Variants in PPFIBP2 observed in about 807,000 individuals in gnomAD.
The protein encoded by PPFIBP2 is liprin-beta-2.
PPFIBP2 carries 118 observed loss-of-function variants against 118.3 expected under a neutral mutation model. The ratio of observed to expected loss-of-function variants is 1.00; its 90% CI spans 0.86 to 1.16. PPFIBP2 has a LOEUF of 1.16. PPFIBP2 is among the 50% of genes most tolerant of loss of function. PPFIBP2 has a pLI of 0.00. For missense variants in PPFIBP2, 1,195 were observed against 1,073.1 expected (o/e 1.11, Z -1.59); for synonymous variants, 414 against 397.4 (o/e 1.04, Z -0.50).
rs142714678 is a variant in PPFIBP2, at chr11:7,616,778, C to T, written c.619-4157C>T. Among the ~76,000 whole-genome samples the T allele has an allele frequency of 1.9e-3, 289 of 151,726 alleles. No homozygotes were observed. In the Middle Eastern group the frequency reaches 0.024, roughly 13 times the overall value. ...AGAGAGGACGTGTTTGTGTGTGTGC[C>T]CCAGTGTGCACCCATCTCTGCTATT... On this transcript the variant is annotated intron_variant, in intron 6 of 23. Transcript: ENST00000299492. This position sits in a 1 kb window ranked among gnomAD's most constrained non-coding sequence, Gnocchi z 5.2.
intron 4 of PPFIBP2, chr11:7,597,313 C>CT (rs1207960967): frequency 1.2e-5 from 18 of 1,535,510 alleles, no homozygotes; most frequent in Non-Finnish European, 1.6e-5. Context: ...ACTCTTGAGT[C>CT]TATCAAGAGC....
intron 5 of PPFIBP2, among the ~76,000 whole-genome samples, chr11:7,609,099 G>T (rs1438326217): frequency 6.6e-6 from 1 of 152,218 alleles, no homozygotes; most frequent in Non-Finnish European, 1.5e-5. Context: ...CAGGTAGGCT[G>T]TTGCCCAGCC....
At chr11:7,621,121 G>T in intron 7 of PPFIBP2, 94 bp downstream of exon 7, 1 of 969,378 alleles carries the variant, frequency 1.0e-6, no homozygotes, top group African/African-American at 1.6e-5. Context: ...GCCTAAGTTT[G>T]AAAATGCAAA....
chr11:7,579,574 C>T, intron 3 of PPFIBP2, among the ~76,000 whole-genome samples: 1 of 152,296 alleles, frequency 6.6e-6, no homozygotes, highest in East Asian at 1.9e-4. Context: ...CCAACATGTG[C>T]CTGGGATTGT....
At chr11:7,586,875 G>A (rs536593768) in intron 3 of PPFIBP2, among the ~76,000 whole-genome samples, 24 of 152,308 alleles carry the variant, frequency 1.6e-4, no homozygotes, top group African/African-American at 5.8e-4. Flanking sequence ...GTACAGCTGT[G>A]TCTGACATGT....
chr11:7,612,551 C>T (rs1176482610), intron 6 of PPFIBP2, among the ~76,000 whole-genome samples: 3 of 152,184 alleles, frequency 2.0e-5, no homozygotes, highest in African/African-American at 7.2e-5. Flanking sequence ...CTAATGCAGT[C>T]ATTTTACTGT....
At chr11:7,607,936 A>T (rs1029862637) in intron 5 of PPFIBP2, among the ~76,000 whole-genome samples, 22 of 152,234 alleles carry the variant, frequency 1.4e-4, no homozygotes, top group African/African-American at 5.3e-4. Flanking sequence ...AGGCAGAAGG[A>T]TGGAGAACTA....
At chr11:7,645,179 T>TG (rs1354215171) in intron 17 of PPFIBP2, among the ~76,000 whole-genome samples, 3 of 152,038 alleles carry the variant, frequency 2.0e-5, no homozygotes, top group Non-Finnish European at 4.4e-5. Context: ...TTGGAGGACT[T>TG]GCTAAGGGGA....
At chr11:7,563,969 T>A (rs891459483) in intron 2 of PPFIBP2, among the ~76,000 whole-genome samples, 1 of 152,058 alleles carries the variant, frequency 6.6e-6, no homozygotes, top group Admixed American at 6.5e-5. Flanking sequence ...ATTGAGACCA[T>A]CCTGGCTAAC....
At chr11:7,630,024 T>G (rs10839827) in intron 10 of PPFIBP2, among the ~76,000 whole-genome samples, 8,804 of 152,226 alleles carry the variant, frequency 0.058, 459 homozygotes, top group African/African-American at 0.14. Flanking sequence ...CTGCTGTGTT[T>G]TATATTTGCT....
chr11:7,552,492 T>G (rs1853105356), intron 2 of PPFIBP2, among the ~76,000 whole-genome samples: 1 of 152,184 alleles, frequency 6.6e-6, no homozygotes, highest in Admixed American at 6.5e-5. Flanking sequence ...GTCTGCAGAT[T>G]TAATACGTGG....
chr11:7,524,986 G>T (rs567205836), intron 1 of PPFIBP2, among the ~76,000 whole-genome samples: 160 of 152,306 alleles, frequency 1.1e-3, no homozygotes, highest in African/African-American at 3.6e-3. Flanking sequence ...CAACAGCCTT[G>T]TGTGTCTGTC....
intron 7 of PPFIBP2, among the ~76,000 whole-genome samples, chr11:7,623,595 T>C (rs942620420): frequency 2.0e-5 from 3 of 152,182 alleles, no homozygotes; most frequent in Non-Finnish European, 4.4e-5. Flanking sequence ...GGACCTCCCA[T>C]AGAGGCAGGG....
chr11:7,655,805 T>C (rs1854633199), downstream of PPFIBP2, among the ~76,000 whole-genome samples: 1 of 151,730 alleles, frequency 6.6e-6, no homozygotes, highest in African/African-American at 2.4e-5. Flanking sequence ...GAAACCAAGA[T>C]GCTCAGCAAC....
intron 4 of PPFIBP2, chr11:7,597,156 C>T: frequency 6.9e-7 from 1 of 1,446,368 alleles, no homozygotes; most frequent in Admixed American, 2.6e-5. Flanking sequence ...GGTTAGTTTC[C>T]ATGAAGTTTG....
chr11:7,632,788 CAT>C, intron 11 of PPFIBP2, 77 bp from the exon 12 acceptor site: 1 of 1,130,086 alleles, frequency 8.8e-7, no homozygotes, highest in Non-Finnish European at 1.3e-6. Context: ...TAAAAGGAAT[CAT>C]GTGAAGCAGG....
Position 7,639,776 on chromosome 11 carries a change from G to A in PPFIBP2, c.1281G>A (p.Gly427=). ...AGCACAAATATCCCACTTTACCTGG[G>A]AAGCTTTCAGGAGCCACGCCCAATG... ...LAEHKYPTLP[G]KLSGATPNGE... The change falls in exon 15 of 24, where the codon GGG becomes GGA. Residue 427 remains glycine, a synonymous_variant. Coordinates refer to ENST00000299492, the MANE Select transcript of PPFIBP2 (RefSeq NM_003621.5). The A allele has an allele frequency of 5.6e-6, 9 of 1,614,136 alleles. No individual in the cohort carries two copies. Among genetic ancestry groups the A allele is most frequent in the Non-Finnish European group, 7.6e-6 (9 of 1,180,018 alleles).
chr11:7,650,656 G>T lies in PPFIBP2; in HGVS notation c.2122-184G>T, dbSNP rs142377028. On this transcript the variant is annotated intron_variant, in intron 21 of 23. Coordinates refer to ENST00000299492, the MANE Select transcript of PPFIBP2 (RefSeq NM_003621.5). Reference sequence around the variant, plus strand: ...TGGAAGATCTTCAAAGATTCAGTGGGAGCTCTATTTCCTAGAAACTGGGGA... The same window carrying T: ...TGGAAGATCTTCAAAGATTCAGTGGTAGCTCTATTTCCTAGAAACTGGGGA... 395 of 467,432 alleles carry T rather than the reference G, an allele frequency of 8.5e-4. 3 individuals are homozygous for T. In the East Asian group the frequency reaches 0.012, roughly 14 times the overall value. 29.0% of individuals were successfully genotyped at this position (467,432 alleles called of 1,614,324 possible).
chr11:7,590,425 A>G (rs1270433362), intron 3 of PPFIBP2, among the ~76,000 whole-genome samples: 1 of 152,094 alleles, frequency 6.6e-6, no homozygotes, highest in African/African-American at 2.4e-5. Context: ...CTGTTCCTCT[A>G]GAACAGTGAT....
Sources: gnomAD v4.1 joint callset for allele counts (sites outside exome capture counted in the v4.1 genomes callset) on GRCh38, gnomAD v4.1.1 for gene constraint, Gnocchi (gnomAD v3.1) non-coding constraint, MANE v1.5 for transcripts, NCBI Gene and HGNC (gene_info 2026-07-23, HGNC 2026-07-21) for gene names.